Variants in ELF1 observed in about 807,000 individuals in gnomAD.
The protein encoded by ELF1 is ETS-related transcription factor Elf-1.
A neutral mutation model predicts 59.9 loss-of-function variants in ELF1; 24 were observed. The observed-to-expected ratio is 0.40, with a 90% CI of 0.29 to 0.56. The LOEUF (loss-of-function observed/expected upper bound fraction) is 0.56. ELF1 is among the 20% of genes least tolerant of loss of function. The pLI is 0.44. For missense variants in ELF1, 627 were observed against 742.2 expected (o/e 0.84, Z 1.80); for synonymous variants, 248 against 266.2 (o/e 0.93, Z 0.67).
intron 2 of ELF1, 76 bp from the exon 3 acceptor site, chr13:40,959,092 C>G: frequency 6.8e-7 from 1 of 1,470,370 alleles, no homozygotes; most frequent in Non-Finnish European, 9.0e-7. Context: ...ATGCTCAAAA[C>G]TATTTTATAC....
intron 1 of ELF1, among the ~76,000 whole-genome samples, chr13:41,026,416 G>A (rs1875914262): frequency 1.3e-5 from 2 of 152,118 alleles, no homozygotes; most frequent in South Asian, 2.1e-4. Flanking sequence ...AGTTTTGAGG[G>A]GGGCCCAGAA....
At chr13:40,974,771 CCT>C (rs1346486581) in intron 2 of ELF1, among the ~76,000 whole-genome samples, 1 of 152,164 alleles carries the variant, frequency 6.6e-6, no homozygotes, top group Non-Finnish European at 1.5e-5. Context: ...CACACTGACT[CCT>C]CTTTCATAAC....
chr13:40,953,145 T>A (rs1870967278), intron 3 of ELF1, among the ~76,000 whole-genome samples: 1 of 152,020 alleles, frequency 6.6e-6, no homozygotes, highest in South Asian at 2.1e-4. Flanking sequence ...CCCAGCTAAT[T>A]CTGTATTTTC....
Position 40,943,824 on chromosome 13 carries a change from A to C in ELF1, c.613+18T>G. 6.3e-7 allele frequency: 1 copy of C among 1,596,750 alleles called. No individual in the cohort carries two copies. Reference sequence around the variant, plus strand: ...CAATCTGAGTGTTATTTGACCTATAAGTATTACACAGTAGTACCCTTTCCA... The same window carrying C: ...CAATCTGAGTGTTATTTGACCTATACGTATTACACAGTAGTACCCTTTCCA... On this transcript the variant is annotated intron_variant, in intron 6 of 8. Coordinates refer to ENST00000239882, the MANE Select transcript of ELF1 (RefSeq NM_172373.4).
chr13:40,953,240 T>G (rs1870975937), intron 3 of ELF1, among the ~76,000 whole-genome samples: 1 of 152,184 alleles, frequency 6.6e-6, no homozygotes, highest in Non-Finnish European at 1.5e-5. Flanking sequence ...CCTCCCAAAG[T>G]GCTGGGATTA....
intron 2 of ELF1, among the ~76,000 whole-genome samples, chr13:40,976,695 T>C (rs1872925266): frequency 6.6e-6 from 1 of 152,088 alleles, no homozygotes. Context: ...GCATGCACCA[T>C]CACGCCTGCT....
At chr13:40,947,508 T>C (rs1488273610) in intron 5 of ELF1, among the ~76,000 whole-genome samples, 1 of 152,198 alleles carries the variant, frequency 6.6e-6, no homozygotes, top group Non-Finnish European at 1.5e-5. Context: ...GCCATTTATG[T>C]ACAAATTTTT....
rs1593404178 is a variant in ELF1 at position 41,031,560 on chromosome 13, C to T, written c.-229+29278G>A. Among the ~76,000 whole-genome samples the T allele has an allele frequency of 3.3e-5, 5 of 152,286 alleles. No individual in the cohort carries two copies. The South Asian group carries it at 1.0e-3, about 32-fold the overall frequency. On this transcript the variant is annotated intron_variant, in intron 1 of 1. Transcript: ENST00000405737. ...CTTGGCCAGGCGCAGTGGCTCATGA[C>T]TGTAATCCCAGCACTTTGGGAGGCT...
chr13:41,014,711 A>G (rs770810552), intron 1 of ELF1, among the ~76,000 whole-genome samples: 7 of 152,160 alleles, frequency 4.6e-5, no homozygotes, highest in Non-Finnish European at 8.8e-5. Flanking sequence ...TAAGTAAAGG[A>G]GCAAAATAGT....
chr13:40,987,584 CAA>C (rs374604821), intron 1 of ELF1, among the ~76,000 whole-genome samples: 58 of 68,376 alleles, frequency 8.5e-4, no homozygotes, highest in Admixed American at 1.0e-3. Context: ...GACTCTGTCT[CAA>C]AAAAAAAAAA....
intron 3 of ELF1, among the ~76,000 whole-genome samples, chr13:40,954,073 T>A (rs1566169801): frequency 6.6e-6 from 1 of 152,184 alleles, no homozygotes; most frequent in Non-Finnish European, 1.5e-5. Flanking sequence ...ATAGTGGTGT[T>A]TATTCTGTTA....
intron 7 of ELF1, among the ~76,000 whole-genome samples, chr13:40,942,249 TAAAG>T (rs1870218688): frequency 6.6e-6 from 1 of 152,178 alleles, no homozygotes; most frequent in African/African-American, 2.4e-5. Context: ...AAACTGTAAT[TAAAG>T]AGTTTTAGTT....
At chr13:41,054,732 C>T (rs1184328350) in intron 1 of ELF1, among the ~76,000 whole-genome samples, 2 of 152,144 alleles carry the variant, frequency 1.3e-5, no homozygotes, top group African/African-American at 4.8e-5. Context: ...TGCGGGAAGT[C>T]CTTGACCTTT....
At chr13:41,028,390 T>A (rs1222383494) in intron 1 of ELF1, among the ~76,000 whole-genome samples, 1 of 152,130 alleles carries the variant, frequency 6.6e-6, no homozygotes, top group Non-Finnish European at 1.5e-5. Context: ...AACAACCCAA[T>A]CCAGGAAGGT....
intron 1 of ELF1, among the ~76,000 whole-genome samples, chr13:41,042,092 A>C (rs1876634253): frequency 6.6e-6 from 1 of 152,076 alleles, no homozygotes; most frequent in South Asian, 2.1e-4. Flanking sequence ...GCACGATCTA[A>C]GCTCACTGCA....
At chr13:40,946,344 G>T (rs1870507884) in intron 5 of ELF1, among the ~76,000 whole-genome samples, 1 of 152,106 alleles carries the variant, frequency 6.6e-6, no homozygotes, top group Non-Finnish European at 1.5e-5. Flanking sequence ...TCAAAACAAT[G>T]AATATATTCA....
intron 8 of ELF1, among the ~76,000 whole-genome samples, chr13:40,936,041 C>A (rs1869747045): frequency 6.6e-6 from 1 of 152,152 alleles, no homozygotes; most frequent in Non-Finnish European, 1.5e-5. Context: ...AGTTAGCACA[C>A]AGATTACATC....
At chr13:41,008,285 A>G (rs935233675) in intron 1 of ELF1, among the ~76,000 whole-genome samples, 1 of 152,188 alleles carries the variant, frequency 6.6e-6, no homozygotes, top group African/African-American at 2.4e-5. Context: ...AGAACTAATT[A>G]TTATTCAGAA....
chr13:40,968,624 G>A (rs1025704358), intron 2 of ELF1, among the ~76,000 whole-genome samples: 1 of 151,728 alleles, frequency 6.6e-6, no homozygotes, highest in Admixed American at 6.6e-5. Flanking sequence ...ATTCTTCATA[G>A]CCAAATTCTC....
Sources: allele counts gnomAD v4.1 joint callset (sites outside exome capture counted in the v4.1 genomes callset), GRCh38; gene constraint gnomAD v4.1.1; transcripts MANE v1.5; gene names NCBI Gene and HGNC (gene_info 2026-07-23, HGNC 2026-07-21).